Variants in PCLO observed in about 807,000 individuals in gnomAD.
PCLO encodes protein piccolo.
A neutral mutation model predicts 427.5 loss-of-function variants in PCLO; 82 were observed. The observed-to-expected ratio is 0.19, with a 90% CI of 0.16 to 0.23. The LOEUF (loss-of-function observed/expected upper bound fraction) is 0.23. Among genes scored for constraint, PCLO ranks in the 10% least tolerant of loss-of-function variants. The probability of loss-of-function intolerance (pLI) is 1.00; values close to 1 mark genes in which losing one functional copy is unlikely to be tolerated. For synonymous variants in PCLO, 2,357 were observed against 2,155.4 expected (o/e 1.09, Z -2.59); for missense variants, 6,239 against 6,115.9 (o/e 1.02, Z -0.67).
intron 24 of PCLO, among the ~76,000 whole-genome samples, chr7:82,758,929 G>T (rs1583941935): frequency 6.6e-6 from 1 of 151,774 alleles, no homozygotes; most frequent in Non-Finnish European, 1.5e-5. Flanking sequence ...ATCAACATTT[G>T]TATTATTCTG....
chr7:82,866,121 T>C lies in PCLO; in HGVS notation c.13654+13216A>G, dbSNP rs557549806. On this transcript the variant is annotated intron_variant, in intron 10 of 24. Transcript: ENST00000333891. ...ACAAGCATGCTCTTGCTCAGGATAT[T>C]TGTGTCCTTGTCACTTCTCTGCCTA... Among the ~76,000 whole-genome samples the C allele has an allele frequency of 1.6e-4, 25 of 152,252 alleles. No individual in the cohort carries two copies. The South Asian group carries it at 5.0e-3, about 30-fold the overall frequency.
intron 20 of PCLO, among the ~76,000 whole-genome samples, chr7:82,816,600 G>A (rs1030110008): frequency 2.0e-5 from 3 of 152,178 alleles, no homozygotes; most frequent in Non-Finnish European, 4.4e-5. Context: ...AGAAACCTTG[G>A]TATGTTAAAA....
intron 3 of PCLO, among the ~76,000 whole-genome samples, chr7:83,075,319 T>C (rs527650657): frequency 6.6e-6 from 1 of 152,236 alleles, no homozygotes; most frequent in Admixed American, 6.5e-5. Flanking sequence ...GAGGAGTCAG[T>C]CAGGCAAGAG....
At chr7:83,003,798 G>A (rs1787881049) in intron 3 of PCLO, among the ~76,000 whole-genome samples, 1 of 151,618 alleles carries the variant, frequency 6.6e-6, no homozygotes, top group Non-Finnish European at 1.5e-5. Context: ...ATTGGCCTGA[G>A]TTTTCTTTTC....
chr7:83,058,911 A>G (rs1315699537), intron 3 of PCLO, among the ~76,000 whole-genome samples: 1 of 152,130 alleles, frequency 6.6e-6, no homozygotes. Flanking sequence ...GACAATATTC[A>G]TTTGAGCAAA....
intron 3 of PCLO, among the ~76,000 whole-genome samples, chr7:83,059,525 AAG>A (rs1789491774): frequency 6.6e-6 from 1 of 151,778 alleles, no homozygotes; most frequent in Non-Finnish European, 1.5e-5. Context: ...TAATATAGAC[AAG>A]AGTGACTATA....
chr7:82,780,058 T>G (rs923351795), intron 22 of PCLO, among the ~76,000 whole-genome samples: 14 of 152,168 alleles, frequency 9.2e-5, no homozygotes, highest in Non-Finnish European at 1.6e-4. Context: ...TAAACCTCTT[T>G]CTCACTAAAA....
At chr7:82,830,004 T>C (rs1792053298) in intron 16 of PCLO, among the ~76,000 whole-genome samples, 1 of 151,850 alleles carries the variant, frequency 6.6e-6, no homozygotes, top group South Asian at 2.1e-4. Context: ...TAAAATCATG[T>C]GAAATAAGGT....
chr7:82,953,984 T>A lies in PCLO; in HGVS notation c.6969A>T (p.Lys2323Asn), dbSNP rs752835554. The A allele has an allele frequency of 1.2e-6, 2 of 1,613,924 alleles. No individual in the cohort carries two copies. Among genetic ancestry groups the A allele is most frequent in the South Asian group, 2.2e-5 (2 of 91,084 alleles). The change falls in exon 5 of 25, where the codon AAA becomes AAT. Residue 2323 changes from lysine to asparagine, a missense_variant. Physicochemically the swap from Lys to Asn is moderately conservative, Grantham distance 94 (BLOSUM62 0). Coordinates refer to ENST00000333891, the MANE Select transcript of PCLO (RefSeq NM_033026.6). ...TTGTTCGTTCGGCCTCCAACTCCTT[T>A]TTATCTCTGTAAGCTTCCAAAACTT... is the stretch of plus-strand genomic sequence containing the variant. The part of the protein sequence containing the change: ...ILEVLEAYRD[K>N]KELEAERTKS...
chr7:83,063,060 T>C (rs756998649), intron 3 of PCLO, among the ~76,000 whole-genome samples: 6 of 152,086 alleles, frequency 3.9e-5, no homozygotes, highest in Non-Finnish European at 7.4e-5. Context: ...TGTATTTTGT[T>C]ATCTAAGCCT....
intron 9 of PCLO, among the ~76,000 whole-genome samples, chr7:82,890,556 T>C (rs1793733676): frequency 6.6e-6 from 1 of 152,042 alleles, no homozygotes; most frequent in African/African-American, 2.4e-5. Flanking sequence ...GTCCACATTA[T>C]TTAAAATAGA....
intron 3 of PCLO, among the ~76,000 whole-genome samples, chr7:83,086,123 T>C (rs1790224600): frequency 6.6e-6 from 1 of 151,574 alleles, no homozygotes; most frequent in South Asian, 2.1e-4. Flanking sequence ...TTTTCTTTTT[T>C]TTTTGAGACG....
intron 4 of PCLO, among the ~76,000 whole-genome samples, chr7:82,963,016 T>C (rs1795686477): frequency 6.6e-6 from 1 of 151,994 alleles, no homozygotes; most frequent in Non-Finnish European, 1.5e-5. Context: ...AAATAGAGGA[T>C]TGCAAGTGTT....
chr7:82,966,894 T>C (rs922024244), intron 3 of PCLO, among the ~76,000 whole-genome samples: 2 of 152,154 alleles, frequency 1.3e-5, no homozygotes, highest in African/African-American at 4.8e-5. Context: ...TATTTCATAA[T>C]AATTATCTTT....
chr7:83,162,520 C>A lies in PCLO; in HGVS notation c.73G>T (p.Gly25Ter). 1 of 1,558,358 alleles carries A rather than the reference C, an allele frequency of 6.4e-7. No homozygotes were observed. ...GAGGGGCTCCCCGCCCCGCTAGCTC[C>A]TCCTCCAGCCGCTGCGGCCGCCGCC... ...GLAAAAAAGG[G>*]ASGAGSPSHT... is the part of the protein sequence containing the mutation. The change falls in exon 1 of 25, where the codon GGA (glycine) becomes TGA (stop). Residue 25 changes from glycine to a stop codon, truncating the protein, a stop_gained. Transcript: ENST00000333891. LOFTEE classifies it high-confidence loss of function.
At chr7:83,001,172 CA>C (rs1473298126) in intron 3 of PCLO, among the ~76,000 whole-genome samples, 2 of 151,924 alleles carry the variant, frequency 1.3e-5, no homozygotes, top group Admixed American at 6.6e-5. Context: ...TATTTCCTCT[CA>C]ATTTTAATGT....
chr7:82,816,006 A>G (rs1388752873), intron 20 of PCLO, among the ~76,000 whole-genome samples: 3 of 152,184 alleles, frequency 2.0e-5, no homozygotes, highest in African/African-American at 7.2e-5. Context: ...TTGAAAATTC[A>G]TGTGTTTTTG....
Position 82,794,459 on chromosome 7 carries a change from C to CTGT in PCLO, c.15007+7058_15007+7059insACA, listed in dbSNP as rs1554333552. Among the ~76,000 whole-genome samples, 35 of 56,372 alleles carry CTGT rather than the reference C, an allele frequency of 6.2e-4. 4 individuals are homozygous for CTGT. The highest frequency in any genetic ancestry group is 1.3e-3 in the African/African-American group (29 of 22,586). 37.0% of individuals were successfully genotyped at this position (56,372 alleles called of 152,430 possible). ...ACATGCTAGTTCATAAATTTTTTTT[C>CTGT]TTTTTTTTTTTTTTTTTTTTTTTTT... On this transcript the variant is annotated intron_variant, in intron 22 of 24. Transcript: ENST00000333891.
At position 82,850,093 on chromosome 7, in the gene PCLO, C is replaced by G. The variant is rs1218767737; in HGVS notation, c.13655-2846G>C. ...GCACAATCTTGGCTCACTGCAACCT[C>G]TGCCAACCGGGTTCAAGTGATTCTC... On this transcript the variant is annotated intron_variant, in intron 10 of 24. Transcript: ENST00000333891. Among the ~76,000 whole-genome samples, 15 of 152,238 alleles carry G rather than the reference C, an allele frequency of 9.9e-5. No individual in the cohort carries two copies. In the East Asian group the frequency reaches 2.9e-3, roughly 29 times the overall value.
Sources: gnomAD v4.1 joint callset for allele counts (sites outside exome capture counted in the v4.1 genomes callset) on GRCh38, gnomAD v4.1.1 for gene constraint, MANE v1.5 for transcripts, NCBI Gene and HGNC (gene_info 2026-07-23, HGNC 2026-07-21) for gene names.